The following ZZZ3 variants were observed in gnomAD, a reference collection of about 807,000 sequenced individuals.
The protein encoded by ZZZ3 is ZZ-type zinc finger-containing protein 3.
ZZZ3 carries 22 observed loss-of-function variants against 95.2 expected under a neutral mutation model. That is an observed-to-expected ratio of 0.23 (90% CI 0.17 to 0.33). ZZZ3 has a LOEUF of 0.33. Ranked by LOEUF, ZZZ3 falls within the 10% of genes least tolerant of loss-of-function variation. The pLI is 1.00. For missense variants in ZZZ3, 885 were observed against 1,066.5 expected (o/e 0.83, Z 2.37); for synonymous variants, 335 against 358.9 (o/e 0.93, Z 0.75).
At position 77,566,143 on chromosome 1, in the gene ZZZ3, C is replaced by T. The variant is rs1660801963; in HGVS notation, c.2505G>A (p.Arg835=). ...CTGGAGGACAATCCTGGCAATGCCA[C>T]CGAACACCCTGGATGGGTTCTATGC... ...NCGIEPIQGV[R]WHCQDCPPEM... The change falls in exon 14 of 15, where the codon CGG becomes CGA. Residue 835 remains arginine (R), a synonymous_variant. Transcript: ENST00000370801. The T allele has an allele frequency of 1.2e-6, 2 of 1,613,392 alleles. No homozygotes were observed. Among genetic ancestry groups the T allele is most frequent in the Middle Eastern group, 1.7e-4 (1 of 6,060 alleles).
intron 1 of ZZZ3, among the ~76,000 whole-genome samples, chr1:77,669,609 C>A (rs991580875): frequency 1.3e-5 from 2 of 151,930 alleles, no homozygotes; most frequent in Non-Finnish European, 2.9e-5. Context: ...AGGCACCCAC[C>A]ACCATACCTG....
intron 1 of ZZZ3, among the ~76,000 whole-genome samples, chr1:77,680,185 A>G (rs1672625221): frequency 1.3e-5 from 2 of 152,268 alleles, no homozygotes; most frequent in Admixed American, 1.3e-4. Flanking sequence ...TCAATTAAGT[A>G]TAACCTTAAG....
In ZZZ3 at chr1:77,579,611, T is replaced by C. The variant is rs375913742; in HGVS notation, c.1998A>G (p.Leu666=). 296 of 1,578,650 alleles carry C rather than the reference T, an allele frequency of 1.9e-4. No individual in the cohort carries two copies. Among genetic ancestry groups the C allele is most frequent in the Middle Eastern group, 1.0e-3 (6 of 5,970 alleles). Residue 666 remains leucine (L), a synonymous_variant, in exon 10 of 15, where the codon CTA becomes CTG. Transcript: ENST00000370801. ...CTTCTTCAGGAGGGTATTTGATGAG[T>C]AGCTGTTCCAGCTTTTTCTAAGCCA... ...TVEEQKKLEQ[L]LIKYPPEEVE...
At chr1:77,594,896 TG>T (rs1664071310) in intron 5 of ZZZ3, among the ~76,000 whole-genome samples, 1 of 136,212 alleles carries the variant, frequency 7.3e-6, no homozygotes, top group Admixed American at 8.0e-5. Context: ...AAGTATAGGA[TG>T]GTATGAACTT....
At chr1:77,626,796 C>T (rs942839413) in intron 5 of ZZZ3, among the ~76,000 whole-genome samples, 3 of 152,188 alleles carry the variant, frequency 2.0e-5, no homozygotes, top group Non-Finnish European at 4.4e-5. Context: ...ATACCTACCG[C>T]ATTCTAAAAT....
chr1:77,576,317 G>T (rs1661935000), intron 11 of ZZZ3, 97 bp from the exon 12 acceptor site: 5 of 1,014,036 alleles, frequency 4.9e-6, no homozygotes, highest in Non-Finnish European at 4.2e-6. Flanking sequence ...AAGTCTATCA[G>T]AAGAATTTCA....
chr1:77,665,983 G>A (rs1031517189), intron 1 of ZZZ3, among the ~76,000 whole-genome samples: 16 of 152,210 alleles, frequency 1.1e-4, no homozygotes, highest in Non-Finnish European at 1.9e-4. Flanking sequence ...GGAGGGTGCC[G>A]TGAGCCGAGA....
intron 5 of ZZZ3, among the ~76,000 whole-genome samples, chr1:77,590,598 C>T (rs1663587889): frequency 6.6e-6 from 1 of 152,192 alleles, no homozygotes; most frequent in African/African-American, 2.4e-5. Flanking sequence ...TTAAAGGACA[C>T]AAGGACATGA....
At chr1:77,571,022 C>T (rs1024572738) in intron 12 of ZZZ3, among the ~76,000 whole-genome samples, 1 of 151,732 alleles carries the variant, frequency 6.6e-6, no homozygotes, top group African/African-American at 2.4e-5. Context: ...ATTGTTATTA[C>T]CATACTATGT....
chr1:77,593,411 C>T (rs1415092119), intron 5 of ZZZ3, among the ~76,000 whole-genome samples: 3 of 152,116 alleles, frequency 2.0e-5, no homozygotes, highest in African/African-American at 7.2e-5. Context: ...ACAAATATCA[C>T]AAACATAATG....
At chr1:77,647,656 T>C (rs1450300862) in intron 1 of ZZZ3, among the ~76,000 whole-genome samples, 3 of 152,230 alleles carry the variant, frequency 2.0e-5, no homozygotes, top group African/African-American at 7.2e-5. Flanking sequence ...AGTGATTTAA[T>C]TATGCTTATA....
At chr1:77,676,810 C>CA (rs989159905) in intron 1 of ZZZ3, among the ~76,000 whole-genome samples, 1 of 151,442 alleles carries the variant, frequency 6.6e-6, no homozygotes, top group South Asian at 2.1e-4. Context: ...TGAAGCATAA[C>CA]AAAAAAATGA....
intron 5 of ZZZ3, among the ~76,000 whole-genome samples, chr1:77,607,734 G>A (rs959827905): frequency 1.1e-4 from 17 of 151,838 alleles, no homozygotes; most frequent in Admixed American, 3.9e-4. Context: ...CCAGCCTGGC[G>A]AACATGGTGA....
rs1216640683 is a variant in ZZZ3 at position 77,631,831 on chromosome 1, T to G, written c.1505+19A>C. The G allele has an allele frequency of 6.6e-7, 1 of 1,514,042 alleles. No individual in the cohort carries two copies. The highest frequency in any genetic ancestry group is 8.9e-7 in the Non-Finnish European group (1 of 1,125,916). 93.8% of individuals were successfully genotyped at this position (1,514,042 alleles called of 1,614,324 possible). The stretch of plus-strand genomic sequence containing the variant: ...ATAATAAACAAAGCAGAATTCATGG[T>G]TACCATATTTACACATACTCTTTGT... On this transcript the variant is annotated intron_variant, in intron 5 of 14. Transcript: ENST00000370801.
rs530167282 is a variant in ZZZ3 at position 77,631,427 on chromosome 1, G to A, written c.1505+423C>T. On this transcript the variant is annotated intron_variant, in intron 5 of 14. Coordinates refer to ENST00000370801, the MANE Select transcript of ZZZ3 (RefSeq NM_015534.6). Reference sequence around the variant, plus strand: ...GGAATTAAATGTAAGTAAGATAAAAGTAGATGTCAAGCCTGCCAGACTTCA... The same window carrying A: ...GGAATTAAATGTAAGTAAGATAAAAATAGATGTCAAGCCTGCCAGACTTCA... 8.5e-5 allele frequency among the ~76,000 whole-genome samples: 13 copies of A among 152,248 alleles called. No homozygotes were observed. In the South Asian group the frequency reaches 2.7e-3, roughly 32 times the overall value.
At chr1:77,642,582 C>G (rs978719077) in intron 1 of ZZZ3, among the ~76,000 whole-genome samples, 2 of 63,408 alleles carry the variant, frequency 3.2e-5, no homozygotes, top group Admixed American at 3.7e-4. Context: ...CTTCTCTAAA[C>G]AAAACAAAAA....
At chr1:77,665,665 G>A (rs1275730301) in intron 1 of ZZZ3, among the ~76,000 whole-genome samples, 3 of 152,132 alleles carry the variant, frequency 2.0e-5, no homozygotes, top group Non-Finnish European at 4.4e-5. Flanking sequence ...GTGATTCACT[G>A]TCTCATTCAT....
chr1:77,675,989 A>G (rs1672231680), intron 1 of ZZZ3, among the ~76,000 whole-genome samples: 1 of 152,224 alleles, frequency 6.6e-6, no homozygotes, highest in South Asian at 2.1e-4. Context: ...CCTGAGTCCT[A>G]CAGCTGTTAA....
intron 1 of ZZZ3, among the ~76,000 whole-genome samples, chr1:77,657,545 C>T (rs1433985411): frequency 6.6e-6 from 1 of 152,158 alleles, no homozygotes; most frequent in African/African-American, 2.4e-5. Flanking sequence ...CATCAAGCAA[C>T]TCAAATTTCA....
Sources: gnomAD v4.1 joint callset for allele counts (sites outside exome capture counted in the v4.1 genomes callset) on GRCh38, gnomAD v4.1.1 for gene constraint, MANE v1.5 for transcripts, NCBI Gene and HGNC (gene_info 2026-07-23, HGNC 2026-07-21) for gene names.